Variants in TEF observed in about 807,000 individuals in gnomAD.
TEF encodes the protein thyrotroph embryonic factor.
In TEF, 3 loss-of-function variants were observed where a neutral mutation model predicts 20.8. The observed-to-expected ratio is 0.14, with a 90% CI of 0.07 to 0.37. TEF has a LOEUF of 0.37. Ranked by LOEUF, TEF falls within the 10% of genes least tolerant of loss-of-function variation. The probability of loss-of-function intolerance (pLI) is 1.00; values close to 1 mark genes in which losing one functional copy is unlikely to be tolerated. For synonymous variants in TEF, 180 were observed against 171.1 expected, an observed-to-expected ratio of 1.05 and a Z score of -0.41; for missense variants, 296 against 397.9, an observed-to-expected ratio of 0.74 and a Z score of 2.18.
At chr22:41,387,310 C>T in intron 1 of TEF, 41 bp from the exon 2 acceptor site, 1 of 1,604,396 alleles carries the variant, frequency 6.2e-7, no homozygotes, top group Non-Finnish European at 8.5e-7. Flanking sequence ...GATTGAGTTA[C>T]TCTCCTGTGT....
upstream of TEF, among the ~76,000 whole-genome samples, chr22:41,381,250 T>C (rs1381403263): frequency 1.3e-5 from 2 of 152,318 alleles, no homozygotes; most frequent in South Asian, 4.1e-4. Flanking sequence ...TCAGCGTCCC[T>C]GCCCCGCGAC....
chr22:41,387,832 G>A (rs1480239429), intron 2 of TEF, among the ~76,000 whole-genome samples, 164 bp downstream of exon 2: 1 of 152,052 alleles, frequency 6.6e-6, no homozygotes, highest in Non-Finnish European at 1.5e-5. Context: ...CTTCCACACA[G>A]TTCCCCGAGG....
chr22:41,391,244 A>C (rs950536478), intron 2 of TEF, among the ~76,000 whole-genome samples: 1 of 152,120 alleles, frequency 6.6e-6, no homozygotes, highest in Admixed American at 6.6e-5. Context: ...AAAAGTCAGA[A>C]TCAGCAGCAC....
chr22:41,383,462 G>A (rs887021580), intron 1 of TEF, among the ~76,000 whole-genome samples: 1 of 152,148 alleles, frequency 6.6e-6, no homozygotes, highest in Non-Finnish European at 1.5e-5. Flanking sequence ...AATTCTACCC[G>A]ATATTCGTAG....
chr22:41,373,555 C>T (rs1297785285), intron 1 of TEF, among the ~76,000 whole-genome samples: 9 of 151,192 alleles, frequency 6.0e-5, no homozygotes, highest in Admixed American at 4.6e-4. Flanking sequence ...TTGCAACCTC[C>T]GCCTCCCAGG....
chr22:41,380,017 G>C (rs567988067), upstream of TEF, among the ~76,000 whole-genome samples: 1 of 152,288 alleles, frequency 6.6e-6, no homozygotes, highest in African/African-American at 2.4e-5. Flanking sequence ...TACAGTGGCA[G>C]TGAGAGCTTG....
At chr22:41,383,848 C>T (rs1023612984) in intron 1 of TEF, among the ~76,000 whole-genome samples, 2 of 152,200 alleles carry the variant, frequency 1.3e-5, no homozygotes, top group Admixed American at 6.5e-5. Context: ...CAAATGACCC[C>T]ACCCGACATG....
At chr22:41,374,025 G>A (rs949128225) in intron 1 of TEF, among the ~76,000 whole-genome samples, 9 of 152,042 alleles carry the variant, frequency 5.9e-5, no homozygotes, top group Non-Finnish European at 8.8e-5. Context: ...GCCTCCCAAA[G>A]AGCTGGGATT....
chr22:41,388,898 G>C (rs975520641), intron 2 of TEF, among the ~76,000 whole-genome samples: 1 of 151,762 alleles, frequency 6.6e-6, no homozygotes, highest in Non-Finnish European at 1.5e-5. Context: ...AAAAGTAAGA[G>C]ACGACTATAA....
intron 1 of TEF, among the ~76,000 whole-genome samples, chr22:41,386,930 G>C (rs2037104594): frequency 6.6e-6 from 1 of 151,628 alleles, no homozygotes; most frequent in Admixed American, 6.6e-5. Context: ...TGTAATCCCA[G>C]CTACTCGGGA....
Position 41,387,536 on chromosome 22 carries a change from A to G in TEF, c.343A>G (p.Thr115Ala), listed in dbSNP as rs1489717237. 2 of 1,614,054 alleles carry G rather than the reference A, an allele frequency of 1.2e-6. No homozygotes were observed. Among genetic ancestry groups the G allele is most frequent in the South Asian group, 1.1e-5 (1 of 91,078 alleles). The change falls in exon 2 of 4, where the codon ACC becomes GCC. Residue 115 changes from threonine to alanine, a missense_variant. Transcript: ENST00000266304. ...LLENGIPASP[T>A]HLAHNLLLPV... is the part of the protein sequence containing the mutation. Reference sequence around the variant, plus strand: ...GGAGAATGGCATCCCCGCCAGCCCCACCCACCTGGCCCACAACCTGCTGCT... The same window carrying G: ...GGAGAATGGCATCCCCGCCAGCCCCGCCCACCTGGCCCACAACCTGCTGCT...
chr22:41,390,979 C>T (rs974477583), intron 2 of TEF, among the ~76,000 whole-genome samples: 2 of 152,220 alleles, frequency 1.3e-5, no homozygotes, highest in East Asian at 3.9e-4. Flanking sequence ...CCAGGCATGG[C>T]GTCACTTTGA....
chr22:41,385,010 C>T (rs2037080001), intron 1 of TEF, among the ~76,000 whole-genome samples: 1 of 152,190 alleles, frequency 6.6e-6, no homozygotes, highest in Non-Finnish European at 1.5e-5. Context: ...CCGCCTCGGA[C>T]TCCCAAAGTG....
chr22:41,387,856 T>G (rs567559676), intron 2 of TEF, among the ~76,000 whole-genome samples, 188 bp downstream of exon 2: 2 of 152,104 alleles, frequency 1.3e-5, no homozygotes, highest in South Asian at 4.2e-4. Flanking sequence ...GAGATAAAAA[T>G]AGTGGTCATG....
rs1429175992 is a variant in TEF, at chr22:41,370,319, T to C, written c.67+2720T>C. Among the ~76,000 whole-genome samples, 4 of 150,872 alleles carry C rather than the reference T, an allele frequency of 2.7e-5. No homozygotes were observed. In the East Asian group the frequency reaches 5.9e-4, roughly 22 times the overall value. ...TAGTACAGATGGGGTTTCACCATGT[T>C]GGCCAAGATGGTCTTTATCTCTTGA... On this transcript the variant is annotated intron_variant, in intron 1 of 3. Transcript: ENST00000406644.
rs541816291 is a variant in TEF, at chr22:41,397,470, C to T, written c.*1510C>T. On this transcript the variant is annotated 3_prime_UTR_variant, in exon 4 of 4. Transcript: ENST00000266304. ...GAGGCGATGGGCGTGCTTCGTCCTC[C>T]GTAACACTGGCTTTATTTACCGTGG... 4.0e-4 allele frequency: 74 copies of T among 185,198 alleles called. 1 individual carries two copies. The highest frequency in any genetic ancestry group is 4.2e-4 in the Non-Finnish European group (38 of 89,844). 11.5% of individuals were successfully genotyped at this position (185,198 alleles called of 1,614,324 possible).
intron 1 of TEF, chr22:41,369,106 G>A (rs1220673633): frequency 2.0e-6 from 2 of 985,350 alleles, no homozygotes; most frequent in Non-Finnish European, 2.4e-6. Context: ...ACACATGAAG[G>A]GCGAGGCTGC....
chr22:41,394,591 C>G (rs2037206499), intron 3 of TEF, among the ~76,000 whole-genome samples: 1 of 152,218 alleles, frequency 6.6e-6, no homozygotes, highest in Non-Finnish European at 1.5e-5. Flanking sequence ...TGTAGCCCAG[C>G]CACTGGGCAA....
In TEF at chr22:41,382,212, G is replaced by C. The variant is rs753685327; in HGVS notation, c.157+11G>C. 3 of 1,230,904 alleles carry C rather than the reference G, an allele frequency of 2.4e-6. No homozygotes were observed. Among genetic ancestry groups the C allele is most frequent in the East Asian group, 3.2e-5 (1 of 31,614 alleles). 76.2% of individuals were successfully genotyped at this position (1,230,904 alleles called of 1,614,324 possible). A position where few individuals can be genotyped will look rare whatever the true frequency, so the allele number is the denominator to read the frequency against. On this transcript the variant is annotated intron_variant, in intron 1 of 3. Coordinates refer to ENST00000266304, the MANE Select transcript of TEF (RefSeq NM_003216.4). ...GCGAGGCGCGCCTCGGTGAGGGCGG[G>C]GGGGTGGTCCGCGCGGGCTGGGGGC...
Sources: gnomAD v4.1 joint callset for allele counts (sites outside exome capture counted in the v4.1 genomes callset) on GRCh38, gnomAD v4.1.1 for gene constraint, MANE v1.5 for transcripts, NCBI Gene and HGNC (gene_info 2026-07-23, HGNC 2026-07-21) for gene names.